The following MCM2 variants were observed in gnomAD, a reference collection of about 807,000 sequenced individuals.
MCM2 encodes the protein DNA replication licensing factor MCM2.
In MCM2, 49 loss-of-function variants were observed where a neutral mutation model predicts 86.4. The observed-to-expected ratio is 0.57, with a 90% CI of 0.45 to 0.72. The LOEUF is 0.72. Ranked by LOEUF, MCM2 falls within the 30% of genes least tolerant of loss-of-function variation. MCM2 has a pLI of 0.00. For missense variants in MCM2, 1,038 were observed against 1,259.9 expected, an observed-to-expected ratio of 0.82 and a Z score of 2.67; for synonymous variants, 475 against 484.6, an observed-to-expected ratio of 0.98 and a Z score of 0.26.
chr3:127,608,596 G>A, intron 7 of MCM2, 80 bp downstream of exon 7: 1 of 1,569,862 alleles, frequency 6.4e-7, no homozygotes, highest in African/African-American at 1.3e-5. Context: ...GCCGGTGGCG[G>A]TGTCTATGGT....
chr3:127,619,389 C>A, intron 13 of MCM2, 111 bp downstream of exon 13: 3 of 1,375,632 alleles, frequency 2.2e-6, no homozygotes, highest in African/African-American at 1.5e-5. Context: ...GGTGCCAGAG[C>A]AGGGAGGCAT....
At chr3:127,604,871 T>G (rs777149110) in intron 3 of MCM2, 25 bp from the exon 4 acceptor site, 12 of 1,595,614 alleles carry the variant, frequency 7.5e-6, no homozygotes, top group Admixed American at 7.1e-5. Context: ...ATGACCGCAG[T>G]AGCAGGTGTC....
rs778639862 is a variant in MCM2, at chr3:127,604,912, C to T, written c.429C>T (p.Asp143=). 3.1e-6 allele frequency: 5 copies of T among 1,611,594 alleles called. No homozygotes were observed. Among genetic ancestry groups the T allele is most frequent in the Admixed American group, 1.7e-5 (1 of 59,594 alleles). ...RGLLYDSDEE[D]EERPARKRRQ... ...CCTCCCCAGACAGCGATGAGGAGGA[C>T]GAGGAGCGCCCTGCCCGCAAGCGCC... is the stretch of plus-strand genomic sequence containing the variant. Residue 143 remains aspartate, a synonymous_variant, in exon 4 of 16, where the codon GAC becomes GAT. Coordinates refer to ENST00000265056, the MANE Select transcript of MCM2 (RefSeq NM_004526.4).
At position 127,619,201 on chromosome 3, in the gene MCM2, A is replaced by G. The variant is rs761865471; in HGVS notation, c.2188A>G (p.Arg730Gly). ...LKKYIIYAKE[R>G]VHPKLNQMDQ... ...GAAGTACATCATCTACGCCAAGGAG[A>G]GGGTCCACCCGAAGCTCAACCAGAT... The change falls in exon 13 of 16, where the codon AGG becomes GGG. Residue 730 changes from arginine (R) to glycine (G), a missense_variant. Coordinates refer to ENST00000265056, the MANE Select transcript of MCM2 (RefSeq NM_004526.4). 84 of 1,614,052 alleles carry G rather than the reference A, an allele frequency of 5.2e-5. No homozygotes were observed. Among genetic ancestry groups the G allele is most frequent in the South Asian group, 7.7e-5 (7 of 91,086 alleles).
In MCM2 at chr3:127,620,980, C is replaced by A. The variant is rs574910868; in HGVS notation, c.2449-93C>A. The A allele has an allele frequency of 3.1e-5, 48 of 1,573,672 alleles. No individual in the cohort carries two copies. The Middle Eastern group carries it at 7.3e-4, about 24-fold the overall frequency. ...GGCCTGGACGTGCACCCAGGAGCGG[C>A]AGCCTGTCTGACCTGGGTGCTGGCA... On this transcript the variant is annotated intron_variant, in intron 14 of 15. Transcript: ENST00000265056.
At chr3:127,602,985 G>A (rs2074315789) in intron 2 of MCM2, among the ~76,000 whole-genome samples, 1 of 152,026 alleles carries the variant, frequency 6.6e-6, no homozygotes, top group Admixed American at 6.6e-5. Flanking sequence ...TGTAATTGTG[G>A]TAAAATACAC....
At chr3:127,600,336 GCT>G (rs1451981682) in intron 2 of MCM2, among the ~76,000 whole-genome samples, 1 of 152,214 alleles carries the variant, frequency 6.6e-6, no homozygotes, top group Non-Finnish European at 1.5e-5. Context: ...AGTGGAGTAA[GCT>G]CTGCGCATAA....
Position 127,599,406 on chromosome 3 carries a change from C to T in MCM2, c.95C>T (p.Ser32Phe). 2 of 1,614,044 alleles carry T rather than the reference C, an allele frequency of 1.2e-6. No individual in the cohort carries two copies. The highest frequency in any genetic ancestry group is 1.7e-6 in the Non-Finnish European group (2 of 1,180,002). The change falls in exon 2 of 16, where the codon TCC (serine) becomes TTC (phenylalanine). Residue 32 changes from serine to phenylalanine, a missense_variant. Around this residue, in one of 4 missense-constraint regions of MCM2, gnomAD observed 300 missense variants for 307.4 expected, o/e 0.98. Transcript: ENST00000265056. Reference protein sequence around the residue: ...DPLTSSPGRSSRRTDALTSSP... With the variant: ...DPLTSSPGRSFRRTDALTSSP... ...CTCACCTCCAGCCCTGGCCGAAGCT[C>T]CCGGCGTACTGATGCCCTCACCTCC...
Position 127,604,749 on chromosome 3 carries a change from G to C in MCM2, c.378G>C (p.Arg126=). Reference sequence around the variant, plus strand: ...GGCAGCGTGACCGGGAGGCTGGCCGGGGCCTGGGCCGCATGCGCCGTGGGC... The same window carrying C: ...GGCAGCGTGACCGGGAGGCTGGCCGCGGCCTGGGCCGCATGCGCCGTGGGC... ...AMRQRDREAG[R]GLGRMRRGLL... is the part of the protein sequence containing the mutation. The change falls in exon 3 of 16, where the codon CGG becomes CGC. Residue 126 remains arginine, a synonymous_variant. Transcript: ENST00000265056. 6.2e-7 allele frequency: 1 copy of C among 1,606,068 alleles called. No individual in the cohort carries two copies. The highest frequency in any genetic ancestry group is 8.5e-7 in the Non-Finnish European group (1 of 1,177,082).
At position 127,617,077 on chromosome 3, in the gene MCM2, C is replaced by T; in HGVS notation, c.1732C>T (p.Leu578=). 1.2e-6 allele frequency: 2 copies of T among 1,614,180 alleles called. No homozygotes were observed. The highest frequency in any genetic ancestry group is 1.7e-6 in the Non-Finnish European group (2 of 1,180,026). Residue 578 remains leucine, a synonymous_variant, in exon 10 of 16, where the codon CTG becomes TTG. Coordinates refer to ENST00000265056, the MANE Select transcript of MCM2 (RefSeq NM_004526.4). The surrounding 1 kb of genome is among the most constrained non-coding windows in gnomAD (Gnocchi z 4.1). ...GACCTTGGAGGCTGGGGCCCTGGTT[C>T]TGGCTGACCGAGGAGTGTGTCTCAT... ...EWTLEAGALV[L]ADRGVCLIDE...
At position 127,620,745 on chromosome 3, in the gene MCM2, C is replaced by A. The variant is rs780280105; in HGVS notation, c.2313C>A (p.Ile771=). Residue 771 remains isoleucine, a synonymous_variant, in exon 14 of 16, where the codon ATC becomes ATA. Transcript: ENST00000265056. ...CGGTGCGGCACATCGAGTCCATGAT[C>A]CGCATGGCGGAGGCCCACGCGCGCA... The part of the protein sequence containing the change: ...PITVRHIESM[I]RMAEAHARIH... 6.2e-7 allele frequency: 1 copy of A among 1,612,772 alleles called. No homozygotes were observed. The highest frequency in any genetic ancestry group is 8.5e-7 in the Non-Finnish European group (1 of 1,179,010).
rs2074468843 is a variant in MCM2 at position 127,620,603 on chromosome 3, G to C, written c.2266-95G>C. 9 of 1,313,716 alleles carry C rather than the reference G, an allele frequency of 6.9e-6. No individual in the cohort carries two copies. The South Asian group carries it at 1.3e-4, about 19-fold the overall frequency. 81.4% of individuals were successfully genotyped at this position (1,313,716 alleles called of 1,614,324 possible). ...TTTCTGCTGGGGCACTGTCAGATGG[G>C]TCTTCTTGGCTCTGGGTGCTAAGAG... On this transcript the variant is annotated intron_variant, in intron 13 of 15. Transcript: ENST00000265056.
At chr3:127,620,937 G>A (rs1332562937) in intron 14 of MCM2, 57 bp downstream of exon 14, 11 of 1,571,830 alleles carry the variant, frequency 7.0e-6, no homozygotes, top group African/African-American at 2.7e-5. Context: ...GAGGCCACAC[G>A]TGGGTATCCA....
Position 127,618,554 on chromosome 3 carries a change from C to G in MCM2, c.2013+473C>G, listed in dbSNP as rs1018917777. 6.6e-6 allele frequency among the ~76,000 whole-genome samples: 1 copy of G among 152,184 alleles called. No individual in the cohort carries two copies. The highest frequency in any genetic ancestry group is 1.5e-5 in the Non-Finnish European group (1 of 68,034). On this transcript the variant is annotated intron_variant, in intron 12 of 15. Transcript: ENST00000265056. This position sits in a 1 kb window ranked among gnomAD's most constrained non-coding sequence, Gnocchi z 4.0. ...AGCTACCTCCTCCTCGCTCCCTTCC[C>G]TCACCTGCACCTGCACCTGCCCTTC...
chr3:127,601,803 C>T (rs1011323164), intron 2 of MCM2, among the ~76,000 whole-genome samples: 1 of 152,228 alleles, frequency 6.6e-6, no homozygotes, highest in African/African-American at 2.4e-5. Context: ...TTCCCACCAG[C>T]AACACATGAG....
At chr3:127,616,451 G>T (rs1165677246) in intron 9 of MCM2, among the ~76,000 whole-genome samples, 1 of 152,014 alleles carries the variant, frequency 6.6e-6, no homozygotes, top group Non-Finnish European at 1.5e-5. Context: ...AGCGTCCCCT[G>T]TGTGTGCCCA....
chr3:127,612,492 G>A (rs1304071193), intron 8 of MCM2, among the ~76,000 whole-genome samples: 3 of 152,214 alleles, frequency 2.0e-5, no homozygotes, highest in South Asian at 2.1e-4. Context: ...GGCTGTTGGC[G>A]AGTGCTCAGT....
intron 8 of MCM2, chr3:127,610,702 G>C (rs2074388649): frequency 2.3e-6 from 1 of 442,538 alleles, no homozygotes; most frequent in East Asian, 7.1e-5. Context: ...GTGAGAAGCT[G>C]CTGCAGGCTA....
At chr3:127,619,353 G>A (rs1222285044) in intron 13 of MCM2, 75 bp downstream of exon 13, 25 of 1,537,450 alleles carry the variant, frequency 1.6e-5, no homozygotes, top group African/African-American at 2.7e-5. Flanking sequence ...CCAATGCAGC[G>A]GGGGTGGTGG....
Sources: gnomAD v4.1 joint callset for allele counts (sites outside exome capture counted in the v4.1 genomes callset) on GRCh38, gnomAD v4.1.1 for gene constraint, gnomAD v4.1.1 regional missense constraint, Gnocchi (gnomAD v3.1) non-coding constraint, MANE v1.5 for transcripts, NCBI Gene and HGNC (gene_info 2026-07-23, HGNC 2026-07-21) for gene names.